MTARC2: variants seen among roughly 807,000 people sequenced by gnomAD.
The protein encoded by MTARC2 is MOCO sulphurase C-terminal domain containing 2.
Under a neutral mutation model 35.6 loss-of-function variants are expected in MTARC2, and 27 were observed. The ratio of observed to expected loss-of-function variants is 0.76; its 90% CI spans 0.56 to 1.04. The LOEUF is 1.04. Ranked by LOEUF, MTARC2 falls within the 50% of genes least tolerant of loss-of-function variation. MTARC2 has a pLI of 0.00. For synonymous variants in MTARC2, 158 were observed against 167.1 expected (o/e 0.95, Z 0.42); for missense variants, 412 against 432.5 (o/e 0.95, Z 0.42).
At position 220,748,754 on chromosome 1, in the gene MTARC2, G is replaced by A. The variant is rs372859442; in HGVS notation, c.223G>A (p.Glu75Lys). The change falls in exon 1 of 8, where the codon GAG (glutamate) becomes AAG (lysine). Residue 75 changes from glutamate (E) to lysine (K), a missense_variant. Glu to Lys is a moderately conservative substitution (Grantham distance 56). Transcript: ENST00000366913. ...VKSCKGVPVS[E>K]AECTAMGLRS... is the part of the protein sequence containing the mutation. ...ATCCTGCAAAGGGGTGCCGGTGAGC[G>A]AGGCTGAGTGCACGGCCATGGGGCT... 2.5e-6 allele frequency: 4 copies of A among 1,600,002 alleles called. No individual in the cohort carries two copies. The African/African-American group carries it at 4.0e-5, about 16-fold the overall frequency.
chr1:220,767,289 A>C (rs983544205), intron 4 of MTARC2, among the ~76,000 whole-genome samples: 5 of 152,182 alleles, frequency 3.3e-5, no homozygotes, highest in Non-Finnish European at 5.9e-5. Context: ...AATGAGTAGG[A>C]CTCTCTTAAA....
Position 220,751,647 on chromosome 1 carries a change from A to AT in MTARC2, c.272+2851dup, listed in dbSNP as rs575979062. Among the ~76,000 whole-genome samples, 31 of 151,890 alleles carry AT rather than the reference A, an allele frequency of 2.0e-4. No individual in the cohort carries two copies. The East Asian group carries it at 4.8e-3, about 24-fold the overall frequency. On this transcript the variant is annotated intron_variant, in intron 1 of 7. Transcript: ENST00000366913. ...GGCCAGTTTGTAATTGAGAAATGAT[A>AT]TTTTTTTCTGTTGTTTTGGGCTCCA...
At chr1:220,775,894 A>G (rs1446658241) in intron 4 of MTARC2, among the ~76,000 whole-genome samples, 1 of 152,182 alleles carries the variant, frequency 6.6e-6, no homozygotes, top group African/African-American at 2.4e-5. Flanking sequence ...TCCATGGTGT[A>G]TGTATACCAC....
chr1:220,752,564 A>T (rs935658730), intron 1 of MTARC2, among the ~76,000 whole-genome samples: 5 of 152,248 alleles, frequency 3.3e-5, no homozygotes, highest in Admixed American at 6.5e-5. Context: ...ATCTTTGACC[A>T]GGCAGGATGG....
At chr1:220,776,976 T>A (rs1286971059) in intron 4 of MTARC2, among the ~76,000 whole-genome samples, 1 of 152,162 alleles carries the variant, frequency 6.6e-6, no homozygotes, top group Non-Finnish European at 1.5e-5. Context: ...GTAGCTGCCT[T>A]CCTGGGTCAC....
chr1:220,770,726 G>A (rs1294845542), intron 4 of MTARC2, among the ~76,000 whole-genome samples: 1 of 152,228 alleles, frequency 6.6e-6, no homozygotes, highest in Non-Finnish European at 1.5e-5. Context: ...AGCCTCTGCT[G>A]TTGGTCATGT....
chr1:220,769,531 A>C (rs1399858969), intron 4 of MTARC2, among the ~76,000 whole-genome samples: 1 of 152,090 alleles, frequency 6.6e-6, no homozygotes, highest in Admixed American at 6.6e-5. Flanking sequence ...AGGGGTGGGA[A>C]CCACTGGGCT....
At chr1:220,770,261 C>A in intron 4 of MTARC2, 1 of 280,520 alleles carries the variant, frequency 3.6e-6, no homozygotes, top group Non-Finnish European at 5.4e-6. Context: ...CTAGTTTATC[C>A]CTGCCCCTGA....
At chr1:220,778,744 G>T (rs775955262) in intron 4 of MTARC2, among the ~76,000 whole-genome samples, 2 of 152,196 alleles carry the variant, frequency 1.3e-5, no homozygotes, top group African/African-American at 2.4e-5. Context: ...GGTGCAAGAA[G>T]ATCACTCTGC....
At chr1:220,763,429 A>G (rs201044576) in intron 4 of MTARC2, among the ~76,000 whole-genome samples, 1 of 152,208 alleles carries the variant, frequency 6.6e-6, no homozygotes. Flanking sequence ...TGAGACTTTC[A>G]GAAGACCCAT....
chr1:220,752,746 C>G (rs1481743347), intron 1 of MTARC2, among the ~76,000 whole-genome samples: 2 of 152,028 alleles, frequency 1.3e-5, no homozygotes, highest in Non-Finnish European at 1.5e-5. Context: ...ACTCAGGAGA[C>G]TGAGGCAGGA....
chr1:220,767,454 C>T (rs539061569), intron 4 of MTARC2, among the ~76,000 whole-genome samples: 2 of 152,278 alleles, frequency 1.3e-5, no homozygotes, highest in South Asian at 4.1e-4. Context: ...GTACTTTGTA[C>T]TTTGTCCGTG....
At chr1:220,755,983 G>T (rs1335990312) in intron 2 of MTARC2, among the ~76,000 whole-genome samples, 1 of 152,190 alleles carries the variant, frequency 6.6e-6, no homozygotes, top group Non-Finnish European at 1.5e-5. Flanking sequence ...CTCAGGGCTG[G>T]GTGAGAAGGA....
chr1:220,780,155 T>C lies in MTARC2; in HGVS notation c.813-13T>C, dbSNP rs777129162. 1 of 1,611,926 alleles carries C rather than the reference T, an allele frequency of 6.2e-7. No homozygotes were observed. Among genetic ancestry groups the C allele is most frequent in the Non-Finnish European group, 8.5e-7 (1 of 1,179,144 alleles). On this transcript the variant is annotated splice_polypyrimidine_tract_variant and intron_variant, in intron 5 of 7. Transcript: ENST00000366913. ...TCCTAAGCATCACCTAACCCTTGGT[T>C]ACTGCATAACAGGTGTATTTTGACA...
intron 4 of MTARC2, among the ~76,000 whole-genome samples, chr1:220,769,661 C>A (rs965099708): frequency 2.6e-5 from 4 of 152,036 alleles, no homozygotes; most frequent in Admixed American, 2.0e-4. Context: ...ATTTTCTGAT[C>A]TGAAAGTTAA....
intron 7 of MTARC2, among the ~76,000 whole-genome samples, chr1:220,782,856 G>A (rs1484174853): frequency 6.6e-6 from 1 of 152,094 alleles, no homozygotes; most frequent in Non-Finnish European, 1.5e-5. Flanking sequence ...CTGCAAAGTG[G>A]GAATAATAGT....
intron 7 of MTARC2, 32 bp from the exon 8 acceptor site, chr1:220,783,887 C>A (rs1672146826): frequency 2.8e-6 from 2 of 717,088 alleles, no homozygotes; most frequent in Admixed American, 2.0e-5. Context: ...GATAAACAAC[C>A]AAATAACCAG....
At chr1:220,769,409 G>A (rs1275379398) in intron 4 of MTARC2, among the ~76,000 whole-genome samples, 1 of 152,162 alleles carries the variant, frequency 6.6e-6, no homozygotes, top group East Asian at 1.9e-4. Context: ...GTCCCCCTCT[G>A]GCTGCACATC....
rs368226064 is a variant in MTARC2, at chr1:220,781,997, AT to A, written c.*31+73del. The A allele has an allele frequency of 1.3e-3, 1,769 of 1,356,182 alleles. 32 individuals carry two copies. In the South Asian group the frequency reaches 0.02, roughly 15 times the overall value. The allele number at this position is 1,356,182 out of a possible 1,614,324, so 84.0% of individuals were successfully genotyped here. A position where few individuals can be genotyped will look rare whatever the true frequency, so the allele number is the denominator to read the frequency against. On this transcript the variant is annotated intron_variant, in intron 7 of 7. Coordinates refer to ENST00000366913, the MANE Select transcript of MTARC2 (RefSeq NM_017898.5). ...GCCATTGCTGCATTTTCTTGTGTTA[AT>A]TTTTTTTATGTTATGCTGCTTTAAT... is the stretch of plus-strand genomic sequence containing the variant.
Sources: allele counts gnomAD v4.1 joint callset (sites outside exome capture counted in the v4.1 genomes callset), GRCh38; gene constraint gnomAD v4.1.1; transcripts MANE v1.5; gene names NCBI Gene and HGNC (gene_info 2026-07-23, HGNC 2026-07-21).